CFAP45: variants seen among roughly 807,000 people sequenced by gnomAD.
The protein encoded by CFAP45 is cilia- and flagella-associated protein 45.
CFAP45 carries 43 observed loss-of-function variants against 75.6 expected under a neutral mutation model. The observed-to-expected ratio is 0.57, with a 90% confidence interval of 0.45 to 0.73. The LOEUF (loss-of-function observed/expected upper bound fraction) is 0.73, where lower values mean the gene tolerates loss of function less well. CFAP45 is among the 30% of genes least tolerant of loss of function. CFAP45 has a pLI of 0.00. For synonymous variants in CFAP45, 223 were observed against 244.6 expected, an observed-to-expected ratio of 0.91 and a Z score of 0.82; for missense variants, 689 against 701.5, an observed-to-expected ratio of 0.98 and a Z score of 0.20.
chr1:159,888,245 A>T (rs900419248), intron 4 of CFAP45, 107 bp downstream of exon 4: 1 of 1,215,682 alleles, frequency 8.2e-7, no homozygotes, highest in Non-Finnish European at 1.2e-6. Flanking sequence ...TTTCTTCATT[A>T]AGTACATAAT....
chr1:159,882,852 ACT>A (rs1475171920), intron 7 of CFAP45, among the ~76,000 whole-genome samples: 1 of 149,912 alleles, frequency 6.7e-6, no homozygotes, highest in Non-Finnish European at 1.5e-5. Context: ...GCCCTTTCCC[ACT>A]CTCTCTCCCC....
chr1:159,899,002 A>C (rs973948574), intron 1 of CFAP45, among the ~76,000 whole-genome samples: 2 of 152,222 alleles, frequency 1.3e-5, no homozygotes, highest in African/African-American at 4.8e-5. Flanking sequence ...CCACAAGTAC[A>C]TCCAAGTAGC....
Position 159,893,192 on chromosome 1 carries a change from A to C in CFAP45, c.117T>G (p.Phe39Leu), listed in dbSNP as rs747383126. The stretch of plus-strand genomic sequence containing the variant: ...TGTTGAGGATTACCTTGATATCTCC[A>C]AAGAGGCTCTCATCCACCTCAGAGC... ...AVSSEVDESL[F>L]GDIKSPAQGQ... Residue 39 changes from phenylalanine to leucine, a missense_variant, in exon 2 of 12, where the codon TTT (phenylalanine) becomes TTG (leucine). Phe to Leu is a conservative substitution (Grantham distance 22). Transcript: ENST00000368099. The C allele has an allele frequency of 1.9e-6, 3 of 1,613,970 alleles. No individual in the cohort carries two copies. The highest frequency in any genetic ancestry group is 2.5e-6 in the Non-Finnish European group (3 of 1,179,868).
chr1:159,880,675 T>C lies in CFAP45; in HGVS notation c.923A>G (p.Lys308Arg), dbSNP rs777985657. 5 of 1,613,930 alleles carry C rather than the reference T, an allele frequency of 3.1e-6. No individual in the cohort carries two copies. The Admixed American group carries it at 8.3e-5, about 27-fold the overall frequency. Reference sequence around the variant, plus strand: ...CTTAATCTCAGCTTGCATCTTCAGTTTTTGTTGCTGCCTTCGTTCCATGTC... The same window carrying C: ...CTTAATCTCAGCTTGCATCTTCAGTCTTTGTTGCTGCCTTCGTTCCATGTC... Reference protein sequence around the residue: ...LKDMERRQQQKLKMQAEIKRI... With the variant: ...LKDMERRQQQRLKMQAEIKRI... Residue 308 changes from lysine to arginine, a missense_variant, in exon 8 of 12, where the codon AAA becomes AGA. Lys to Arg is a conservative substitution (Grantham distance 26). Transcript: ENST00000368099.
Position 159,872,813 on chromosome 1 carries a change from G to T in CFAP45, c.1577+131C>A, listed in dbSNP as rs547351745. On this transcript the variant is annotated intron_variant, in intron 11 of 11. Transcript: ENST00000368099. ...CCCTTCAGAGGGATGAGCCCTGGGT[G>T]GGGAGAAGAGCCTCTCCCTGAGCAT... 8 of 914,876 alleles carry T rather than the reference G, an allele frequency of 8.7e-6. No homozygotes were observed. In the South Asian group the frequency reaches 1.3e-4, roughly 15 times the overall value. The allele number at this position is 914,876 out of a possible 1,614,324, so 56.7% of individuals were successfully genotyped here. A position where few individuals can be genotyped will look rare whatever the true frequency, so the allele number is the denominator to read the frequency against.
rs1649422867 is a variant in CFAP45, at chr1:159,877,170, ATCCCT to A, written c.1158+174_1158+178del. 7.2e-5 allele frequency among the ~76,000 whole-genome samples: 11 copies of A among 152,226 alleles called. No individual in the cohort carries two copies. In the South Asian group the frequency reaches 2.3e-3, roughly 32 times the overall value. ...CCTTAAGCACAGGCTGCACTGCCCAATCCCTGCTGACACAGGCCCTGGGAGCAGGC... is the reference window on the plus strand; with the variant it reads ...CCTTAAGCACAGGCTGCACTGCCCAAGCTGACACAGGCCCTGGGAGCAGGC... On this transcript the variant is annotated intron_variant, in intron 9 of 11. Transcript: ENST00000368099.
chr1:159,874,311 C>T (rs1297326069), intron 10 of CFAP45, among the ~76,000 whole-genome samples: 2 of 152,168 alleles, frequency 1.3e-5, no homozygotes, highest in African/African-American at 4.8e-5. Context: ...TTCATTTCCT[C>T]ATTTCCCTCT....
At chr1:159,881,436 G>A (rs1156233275) in intron 7 of CFAP45, among the ~76,000 whole-genome samples, 2 of 152,186 alleles carry the variant, frequency 1.3e-5, no homozygotes, top group African/African-American at 4.8e-5. Context: ...CCTCTTGCAA[G>A]GTGATCATAC....
chr1:159,879,516 T>C (rs16842774), intron 8 of CFAP45, among the ~76,000 whole-genome samples: 25,360 of 152,216 alleles, frequency 0.17, 3,177 homozygotes, highest in African/African-American at 0.36. Context: ...GCACGGAGCC[T>C]ATGCACAGAC....
Position 159,898,243 on chromosome 1 carries a change from T to C in CFAP45, c.3+1853A>G, listed in dbSNP as rs1649996186. 3.0e-6 allele frequency: 3 copies of C among 985,272 alleles called. No homozygotes were observed. The Admixed American group carries it at 1.8e-4, about 61-fold the overall frequency. The allele number at this position is 985,272 out of a possible 1,614,324, so 61.0% of individuals were successfully genotyped here. A position where few individuals can be genotyped will look rare whatever the true frequency, so the allele number is the denominator to read the frequency against. On this transcript the variant is annotated intron_variant, in intron 1 of 11. Transcript: ENST00000368099. Reference sequence around the variant, plus strand: ...GAGTGATCCACGCAATTATCCTCTTTCTTCAATTGGGACCAAGTTGGCCAT... The same window carrying C: ...GAGTGATCCACGCAATTATCCTCTTCCTTCAATTGGGACCAAGTTGGCCAT...
chr1:159,884,383 G>A, intron 7 of CFAP45, 53 bp downstream of exon 7: 1 of 1,553,048 alleles, frequency 6.4e-7, no homozygotes, highest in Non-Finnish European at 8.7e-7. Context: ...GAGTCTTGAA[G>A]GGTTTTGATG....
At chr1:159,890,316 G>A (rs1392707774) in intron 3 of CFAP45, among the ~76,000 whole-genome samples, 164 bp downstream of exon 3, 5 of 152,200 alleles carry the variant, frequency 3.3e-5, no homozygotes, top group Non-Finnish European at 5.9e-5. Flanking sequence ...GGCCAGGATG[G>A]AGAAGAAAGA....
chr1:159,895,424 T>C (rs1649930972), intron 1 of CFAP45, among the ~76,000 whole-genome samples: 1 of 152,174 alleles, frequency 6.6e-6, no homozygotes, highest in Non-Finnish European at 1.5e-5. Context: ...TTCTGAAAGC[T>C]CTCTCTGATC....
chr1:159,873,772 T>G (rs1649335001), intron 10 of CFAP45, among the ~76,000 whole-genome samples: 2 of 152,006 alleles, frequency 1.3e-5, no homozygotes. Flanking sequence ...CTATTGTTCC[T>G]ACTTCTCCCT....
rs765791499 is a variant in CFAP45, at chr1:159,900,142, C to A, written c.-44G>T. Reference sequence around the variant, plus strand: ...TGACTCCGGACTTCTGCTGCCGCCTCGGCGCCGCCAAGGCCCTAGTGTTGA... The same window carrying A: ...TGACTCCGGACTTCTGCTGCCGCCTAGGCGCCGCCAAGGCCCTAGTGTTGA... On this transcript the variant is annotated 5_prime_UTR_variant, in exon 1 of 12. Transcript: ENST00000368099. 3 of 1,613,758 alleles carry A rather than the reference C, an allele frequency of 1.9e-6. No homozygotes were observed. The highest frequency in any genetic ancestry group is 2.5e-6 in the Non-Finnish European group (3 of 1,179,810).
chr1:159,878,753 T>TAAAAAAAAAAAAAAAAAAAAAAAAAAAAA (rs539116292), intron 8 of CFAP45, among the ~76,000 whole-genome samples: 1 of 32,486 alleles, frequency 3.1e-5, no homozygotes, highest in Non-Finnish European at 5.8e-5. Context: ...AGACTACATC[T>TAAAAAAAAAAAAAAAAAAAAAAAAAAAAA]AAAAAAAAAA....
At chr1:159,895,233 G>C (rs1175225272) in intron 1 of CFAP45, among the ~76,000 whole-genome samples, 1 of 152,154 alleles carries the variant, frequency 6.6e-6, no homozygotes, top group Non-Finnish European at 1.5e-5. Flanking sequence ...TTATGATAAA[G>C]CTGATTCAAA....
intron 1 of CFAP45, among the ~76,000 whole-genome samples, chr1:159,896,280 C>G (rs1454460364): frequency 6.6e-6 from 1 of 152,166 alleles, no homozygotes; most frequent in Non-Finnish European, 1.5e-5. Flanking sequence ...ACAGCAAGGA[C>G]TGCCTGAGCC....
At chr1:159,873,254 C>A (rs1322595626) in intron 10 of CFAP45, 86 bp from the exon 11 acceptor site, 3 of 1,092,212 alleles carry the variant, frequency 2.7e-6, no homozygotes, top group Admixed American at 2.1e-5. Flanking sequence ...TGGGTGGGCT[C>A]CTTCAGTAGA....
Sources: gnomAD v4.1 joint callset for allele counts (sites outside exome capture counted in the v4.1 genomes callset) on GRCh38, gnomAD v4.1.1 for gene constraint, MANE v1.5 for transcripts, NCBI Gene and HGNC (gene_info 2026-07-23, HGNC 2026-07-21) for gene names.